RARB: variants seen among roughly 807,000 people sequenced by gnomAD.
RARB encodes retinoic acid receptor beta, also known as HBV-activated protein.
Under a neutral mutation model 51.9 loss-of-function variants are expected in RARB, and 17 were observed. The observed-to-expected ratio is 0.33, with a 90% CI of 0.22 to 0.49. RARB has a LOEUF of 0.49. RARB is among the 20% of genes least tolerant of loss of function. The probability of loss-of-function intolerance (pLI) is 0.99; values close to 1 mark genes in which losing one functional copy is unlikely to be tolerated. For missense variants in RARB, 369 were observed against 550.8 expected (o/e 0.67, Z 3.30); for synonymous variants, 215 against 195.4 (o/e 1.10, Z -0.84).
At chr3:25,166,768 A>G (rs892366201) in intron 4 of RARB, among the ~76,000 whole-genome samples, 1 of 152,174 alleles carries the variant, frequency 6.6e-6, no homozygotes, top group South Asian at 2.1e-4. Flanking sequence ...CAAAGTGTTT[A>G]ACTCCTGTGT....
At chr3:25,372,581 G>A (rs1026639214) in intron 5 of RARB, among the ~76,000 whole-genome samples, 1 of 152,200 alleles carries the variant, frequency 6.6e-6, no homozygotes, top group Non-Finnish European at 1.5e-5. Flanking sequence ...CAGCACTTTG[G>A]GAGGCTGAAG....
chr3:24,992,954 T>C (rs1575109546), intron 2 of RARB, among the ~76,000 whole-genome samples: 1 of 152,216 alleles, frequency 6.6e-6, no homozygotes, highest in Non-Finnish European at 1.5e-5. Flanking sequence ...TTGTTAAATT[T>C]TTATTCACTT....
intron 4 of RARB, among the ~76,000 whole-genome samples, chr3:25,163,258 C>T (rs761855182): frequency 6.6e-6 from 1 of 152,116 alleles, no homozygotes; most frequent in Non-Finnish European, 1.5e-5. Context: ...GATCCCGGCA[C>T]TTCAGGAGGC....
chr3:25,527,445 AT>A (rs1698702914), intron 3 of RARB, among the ~76,000 whole-genome samples: 1 of 152,184 alleles, frequency 6.6e-6, no homozygotes, highest in Non-Finnish European at 1.5e-5. Context: ...AACTAAACCA[AT>A]TTCCTTTAGG....
At chr3:24,981,869 A>G (rs562777136) in intron 2 of RARB, among the ~76,000 whole-genome samples, 8 of 152,292 alleles carry the variant, frequency 5.3e-5, no homozygotes, top group South Asian at 2.1e-4. Context: ...CTCTGCCTCT[A>G]TCTCCCTGGG....
intron 3 of RARB, among the ~76,000 whole-genome samples, chr3:25,556,704 A>G (rs937593752): frequency 6.6e-6 from 1 of 152,180 alleles, no homozygotes; most frequent in Non-Finnish European, 1.5e-5. Flanking sequence ...TGTAAGAATT[A>G]AATGAGAATG....
At position 25,258,958 on chromosome 3, in the gene RARB, T is replaced by G. The variant is rs369675718; in HGVS notation, c.178+84383T>G. ...GCACTAACTTTCAACACCACCACAC[T>G]GGGGACCAAACCTCAGCCTGAGTTT... On this transcript the variant is annotated intron_variant, in intron 5 of 11. Transcript: ENST00000383772. 2,368 of 870,148 alleles carry G rather than the reference T, an allele frequency of 2.7e-3. 8 individuals are homozygous for G. The highest frequency in any genetic ancestry group is 0.011 in the Middle Eastern group (19 of 1,680). 53.9% of individuals were successfully genotyped at this position (870,148 alleles called of 1,614,324 possible). A position where few individuals can be genotyped will look rare whatever the true frequency, so the allele number is the denominator to read the frequency against.
chr3:25,416,364 G>C (rs561597956), intron 5 of RARB, among the ~76,000 whole-genome samples: 1 of 152,298 alleles, frequency 6.6e-6, no homozygotes, highest in South Asian at 2.1e-4. Context: ...ACTCCAGCCT[G>C]GATAACAAAG....
chr3:25,159,630 G>A, intron 4 of RARB, among the ~76,000 whole-genome samples: 2 of 152,094 alleles, frequency 1.3e-5, no homozygotes, highest in East Asian at 3.9e-4. Flanking sequence ...GCTTCATTCA[G>A]ATGAATGAAG....
At chr3:24,952,400 T>C (rs116692682) in intron 2 of RARB, among the ~76,000 whole-genome samples, 3,038 of 152,302 alleles carry the variant, frequency 0.02, 60 homozygotes, top group Middle Eastern at 0.068. Context: ...AAACTTGTTT[T>C]TGACCCTCTC....
intron 5 of RARB, among the ~76,000 whole-genome samples, chr3:25,176,339 TTCCTTCC>T (rs1559493176): frequency 0.049 from 3,444 of 70,996 alleles, 146 homozygotes; most frequent in African/African-American, 0.082. Flanking sequence ...CTTTCTTTCC[TTCCTTCC>T]TTCCTTCCTT....
intron 2 of RARB, among the ~76,000 whole-genome samples, chr3:24,904,150 C>G (rs183691717): frequency 5.3e-4 from 80 of 152,304 alleles, no homozygotes; most frequent in African/African-American, 1.8e-3. Flanking sequence ...CCAGGGTCTA[C>G]AGTTGAGCGA....
At chr3:25,045,216 G>T (rs1698189442) in intron 2 of RARB, among the ~76,000 whole-genome samples, 1 of 152,144 alleles carries the variant, frequency 6.6e-6, no homozygotes, top group South Asian at 2.1e-4. Flanking sequence ...AGAAAGGAGA[G>T]TCTTAAACCT....
chr3:25,055,482 A>T (rs928137036), intron 2 of RARB, among the ~76,000 whole-genome samples: 2 of 152,298 alleles, frequency 1.3e-5, no homozygotes, highest in Middle Eastern at 3.4e-3. Context: ...CACAAGTTCC[A>T]GCTTGAGTTA....
At chr3:24,949,636 C>G (rs956256247) in intron 2 of RARB, among the ~76,000 whole-genome samples, 1 of 152,188 alleles carries the variant, frequency 6.6e-6, no homozygotes, top group Admixed American at 6.5e-5. Flanking sequence ...CAAAATGTGA[C>G]TATTTTGAGG....
intron 4 of RARB, among the ~76,000 whole-genome samples, chr3:25,167,796 CAT>C (rs1184674456): frequency 2.0e-5 from 3 of 152,172 alleles, no homozygotes; most frequent in Non-Finnish European, 4.4e-5. Flanking sequence ...CCACATATTT[CAT>C]AGTAAGTCCA....
chr3:25,380,837 T>G (rs1706604150), intron 5 of RARB, among the ~76,000 whole-genome samples: 1 of 152,186 alleles, frequency 6.6e-6, no homozygotes, highest in South Asian at 2.1e-4. Flanking sequence ...GGTTTTGTGC[T>G]TAGGTTTTAT....
intron 3 of RARB, among the ~76,000 whole-genome samples, chr3:25,115,375 A>G (rs1043342971): frequency 6.6e-6 from 1 of 152,194 alleles, no homozygotes; most frequent in Non-Finnish European, 1.5e-5. Context: ...TGTAACATCT[A>G]TAACATTCAG....
chr3:25,021,931 TACTG>T (rs922261461), intron 2 of RARB, among the ~76,000 whole-genome samples: 26 of 152,262 alleles, frequency 1.7e-4, no homozygotes, highest in African/African-American at 6.0e-4. Context: ...ATTTGATAAA[TACTG>T]AGTTAGGCAC....
Sources: gnomAD v4.1 joint callset for allele counts (sites outside exome capture counted in the v4.1 genomes callset) on GRCh38, gnomAD v4.1.1 for gene constraint, MANE v1.5 for transcripts, NCBI Gene and HGNC (gene_info 2026-07-23, HGNC 2026-07-21) for gene names.